Variants in PRPF3 observed in about 807,000 individuals in gnomAD.
PRPF3 encodes the protein pre-mRNA processing factor 3, also known as U4/U6 small nuclear ribonucleoprotein Prp3.
PRPF3 carries 3 observed loss-of-function variants against 89.2 expected under a neutral mutation model. The observed-to-expected ratio is 0.03, with a 90% CI of 0.02 to 0.09. PRPF3 has a LOEUF of 0.09. Ranked by LOEUF, PRPF3 falls within the 10% of genes least tolerant of loss-of-function variation. The probability of loss-of-function intolerance (pLI) is 1.00; values close to 1 mark genes in which losing one functional copy is unlikely to be tolerated. For missense variants in PRPF3, 463 were observed against 828.8 expected (o/e 0.56, Z 5.42); for synonymous variants, 270 against 289.1 (o/e 0.93, Z 0.67).
chr1:150,336,957 A>C (rs1553868032), intron 7 of PRPF3, among the ~76,000 whole-genome samples: 1 of 151,606 alleles, frequency 6.6e-6, no homozygotes, highest in Non-Finnish European at 1.5e-5. Flanking sequence ...ATGAGACAGT[A>C]CACCTGGAGA....
chr1:150,323,173 C>CTTT (rs71083901), intron 1 of PRPF3, among the ~76,000 whole-genome samples: 15,278 of 47,488 alleles, frequency 0.32, 4,524 homozygotes, highest in East Asian at 0.55. Context: ...CCGCACCTGG[C>CTTT]TTTTTTTTTT....
chr1:150,332,664 A>G lies in PRPF3; in HGVS notation c.424-20A>G, dbSNP rs59317452. The G allele has an allele frequency of 5.6e-6, 9 of 1,613,358 alleles. No individual in the cohort carries two copies. Among genetic ancestry groups the G allele is most frequent in the Non-Finnish European group, 7.6e-6 (9 of 1,179,344 alleles). Reference sequence around the variant, plus strand: ...AGAAGGAGAAATTAACAGTTTTTCAATTTTTTTCCTGGAGAGCAGATCAAA... The same window carrying G: ...AGAAGGAGAAATTAACAGTTTTTCAGTTTTTTTCCTGGAGAGCAGATCAAA... On this transcript the variant is annotated intron_variant, in intron 4 of 15. Transcript: ENST00000324862.
At chr1:150,331,419 C>T (rs1553865508) in intron 4 of PRPF3, among the ~76,000 whole-genome samples, 1 of 151,936 alleles carries the variant, frequency 6.6e-6, no homozygotes. Flanking sequence ...GGCTGGAGTG[C>T]AGTGGCATGA....
intron 3 of PRPF3, among the ~76,000 whole-genome samples, chr1:150,326,419 A>G (rs968700563): frequency 6.6e-6 from 1 of 152,162 alleles, no homozygotes; most frequent in Non-Finnish European, 1.5e-5. Context: ...AAACACTTGG[A>G]GGAGTTGTCA....
At chr1:150,349,093 T>G in intron 14 of PRPF3, 64 bp from the exon 15 acceptor site, 1 of 1,314,662 alleles carries the variant, frequency 7.6e-7, no homozygotes, top group Non-Finnish European at 1.1e-6. Flanking sequence ...TTGGGTAGAC[T>G]TGAATATTAT....
chr1:150,321,746 T>C (rs1486746667), intron 1 of PRPF3, among the ~76,000 whole-genome samples, 154 bp downstream of exon 1: 1 of 148,588 alleles, frequency 6.7e-6, no homozygotes, highest in Non-Finnish European at 1.5e-5. Flanking sequence ...TGGAATGAGA[T>C]TGTTGAGAGG....
intron 1 of PRPF3, among the ~76,000 whole-genome samples, chr1:150,322,059 A>G (rs1553862172): frequency 6.6e-6 from 1 of 152,062 alleles, no homozygotes; most frequent in East Asian, 1.9e-4. Flanking sequence ...ATTGTTGAGC[A>G]TTTGATTAGT....
At chr1:150,352,533 C>T (rs900203052) in intron 15 of PRPF3, among the ~76,000 whole-genome samples, 14 of 152,044 alleles carry the variant, frequency 9.2e-5, no homozygotes, top group Admixed American at 7.2e-4. Context: ...GGCGTGGTAG[C>T]GGGCGCCTGT....
At chr1:150,349,294 G>T in intron 15 of PRPF3, 76 bp downstream of exon 15, 1 of 1,060,854 alleles carries the variant, frequency 9.4e-7, no homozygotes, top group Non-Finnish European at 1.5e-6. Flanking sequence ...TGGAGCAATG[G>T]AATGTAAGAT....
intron 4 of PRPF3, among the ~76,000 whole-genome samples, chr1:150,330,813 T>C (rs1560091964): frequency 6.7e-6 from 1 of 149,894 alleles, no homozygotes; most frequent in East Asian, 2.0e-4. Context: ...GCCTCCCGGG[T>C]TCAAGCTATT....
At chr1:150,325,187 A>AG in intron 2 of PRPF3, 100 bp downstream of exon 2, 2 of 1,396,180 alleles carry the variant, frequency 1.4e-6, no homozygotes, top group Non-Finnish European at 9.9e-7. Context: ...ATCTAAAAAA[A>AG]TGGCAGGCCA....
chr1:150,352,525 C>T (rs185035766), intron 15 of PRPF3, among the ~76,000 whole-genome samples: 90 of 132,450 alleles, frequency 6.8e-4, no homozygotes, highest in African/African-American at 2.1e-3. Flanking sequence ...ATCAGCTGGG[C>T]GTGGTAGCGG....
intron 5 of PRPF3, 60 bp from the exon 6 acceptor site, chr1:150,332,919 A>G: frequency 6.6e-7 from 1 of 1,523,804 alleles, no homozygotes. Flanking sequence ...ATCTGTGTGT[A>G]TGTATGTGTG....
At chr1:150,337,565 C>T (rs1657164643) in intron 7 of PRPF3, among the ~76,000 whole-genome samples, 1 of 151,256 alleles carries the variant, frequency 6.6e-6, no homozygotes, top group Non-Finnish European at 1.5e-5. Flanking sequence ...ATCACTAGGT[C>T]AGGAGATCGA....
rs587748691 is a variant in PRPF3 at position 150,321,677 on chromosome 1, C to T, written c.-49+85C>T. On this transcript the variant is annotated intron_variant, in intron 1 of 15. Transcript: ENST00000324862. Reference sequence around the variant, plus strand: ...ACTCAGTCCAAGGGGAGGACCGAAGCGGGAGGGTTCAGCGGGAAGGAGTGT... The same window carrying T: ...ACTCAGTCCAAGGGGAGGACCGAAGTGGGAGGGTTCAGCGGGAAGGAGTGT... 7.4e-6 allele frequency: 1 copy of T among 134,768 alleles called. No individual in the cohort carries two copies. Among genetic ancestry groups the T allele is most frequent in the Admixed American group, 8.2e-5 (1 of 12,178 alleles). The allele number at this position is 134,768 out of a possible 1,614,324, so 8.3% of individuals were successfully genotyped here.
At chr1:150,345,206 GAAGAATAC>G (rs1210161617) in intron 12 of PRPF3, among the ~76,000 whole-genome samples, 1 of 152,012 alleles carries the variant, frequency 6.6e-6, no homozygotes, top group Non-Finnish European at 1.5e-5. Context: ...TGACAACACA[GAAGAATAC>G]TTACTCAAAA....
Position 150,343,248 on chromosome 1 carries a change from AATATAT to A in PRPF3, c.1283-48_1283-43del, listed in dbSNP as rs66790680. 1.7e-4 allele frequency: 77 copies of A among 450,104 alleles called. 1 individual carries two copies. Among genetic ancestry groups the A allele is most frequent in the African/African-American group, 1.6e-3 (42 of 26,254 alleles). The allele number at this position is 450,104 out of a possible 1,614,324, so 27.9% of individuals were successfully genotyped here. A position where few individuals can be genotyped will look rare whatever the true frequency, so the allele number is the denominator to read the frequency against. ...CAGAGTGAGAGAGAGAAAAAAAAAA[AATATAT>A]ATATATATATATGTATTCTTACTGC... On this transcript the variant is annotated intron_variant, in intron 9 of 15. Coordinates refer to ENST00000324862, the MANE Select transcript of PRPF3 (RefSeq NM_004698.4).
chr1:150,334,452 C>G (rs1656758087), intron 6 of PRPF3, among the ~76,000 whole-genome samples: 1 of 151,956 alleles, frequency 6.6e-6, no homozygotes, highest in Admixed American at 6.6e-5. Flanking sequence ...ACCTCTGCCT[C>G]CCAGGTTCAG....
At chr1:150,345,373 G>T (rs1043270443) in intron 12 of PRPF3, among the ~76,000 whole-genome samples, 1 of 151,510 alleles carries the variant, frequency 6.6e-6, no homozygotes, top group African/African-American at 2.4e-5. Context: ...ATTTTGAGAC[G>T]GAGTTTCAGT....
Sources: gnomAD v4.1 joint callset for allele counts (sites outside exome capture counted in the v4.1 genomes callset) on GRCh38, gnomAD v4.1.1 for gene constraint, MANE v1.5 for transcripts, NCBI Gene and HGNC (gene_info 2026-07-23, HGNC 2026-07-21) for gene names.